Variants in PID1 observed in about 807,000 individuals in gnomAD.
PID1 encodes the protein phosphotyrosine interaction domain containing 1.
PID1 carries 10 observed loss-of-function variants against 19.1 expected under a neutral mutation model. That is an observed-to-expected ratio of 0.52 (90% CI 0.32 to 0.89). The LOEUF (loss-of-function observed/expected upper bound fraction) is 0.89. PID1 is among the 40% of genes least tolerant of loss of function. The pLI, the probability that PID1 is intolerant of heterozygous loss-of-function variation, is 0.03. For missense variants in PID1, 248 were observed against 285.3 expected (o/e 0.87, Z 0.94); for synonymous variants, 130 against 116.0 (o/e 1.12, Z -0.78).
chr2:229,102,317 A>G (rs1344051918), intron 2 of PID1, among the ~76,000 whole-genome samples: 1 of 145,280 alleles, frequency 6.9e-6, no homozygotes, highest in African/African-American at 2.5e-5. Flanking sequence ...CATCACAAAT[A>G]AAAAAAAAAA....
chr2:229,088,206 G>C (rs183207423), intron 2 of PID1, among the ~76,000 whole-genome samples: 2 of 152,154 alleles, frequency 1.3e-5, no homozygotes, highest in Non-Finnish European at 2.9e-5. Flanking sequence ...CCTTATGAAC[G>C]GACAGGCACC....
intron 1 of PID1, among the ~76,000 whole-genome samples, chr2:229,179,783 G>A: frequency 6.6e-6 from 1 of 152,328 alleles, no homozygotes; most frequent in African/African-American, 2.4e-5. Flanking sequence ...GCTGATTTAA[G>A]CAAAGGCAGC....
chr2:229,178,235 C>G (rs1422369343), intron 1 of PID1, among the ~76,000 whole-genome samples: 1 of 152,120 alleles, frequency 6.6e-6, no homozygotes, highest in Non-Finnish European at 1.5e-5. Flanking sequence ...TGCAATTTCC[C>G]CATCAGAGCT....
chr2:229,053,569 T>C (rs1172620480), intron 2 of PID1, among the ~76,000 whole-genome samples: 1 of 152,130 alleles, frequency 6.6e-6, no homozygotes, highest in Non-Finnish European at 1.5e-5. Flanking sequence ...TCAAGGAAGG[T>C]CTCCCCCAGC....
intron 2 of PID1, among the ~76,000 whole-genome samples, chr2:229,134,242 T>C (rs1220937844): frequency 6.8e-6 from 1 of 146,752 alleles, no homozygotes; most frequent in African/African-American, 2.5e-5. Flanking sequence ...TTTTTTTTTT[T>C]TTTTTTTTTT....
chr2:229,080,144 T>TTCCCA (rs1694641302), intron 2 of PID1, among the ~76,000 whole-genome samples: 1 of 152,170 alleles, frequency 6.6e-6, no homozygotes, highest in African/African-American at 2.4e-5. Flanking sequence ...TGGGTAAAAC[T>TTCCCA]TGTCTTCCAT....
intron 1 of PID1, 115 bp downstream of exon 1, chr2:229,270,899 G>A (rs561818104): frequency 1.7e-4 from 151 of 887,588 alleles, no homozygotes; most frequent in Non-Finnish European, 2.4e-4. Context: ...CCATCGATGC[G>A]TCTTACAAGA....
intron 2 of PID1, among the ~76,000 whole-genome samples, chr2:229,152,935 G>A (rs185527111): frequency 2.6e-5 from 4 of 152,236 alleles, no homozygotes; most frequent in African/African-American, 9.6e-5. Context: ...AAGGCGGAGG[G>A]TCCCGTGAGC....
chr2:229,162,285 C>T (rs936258084), intron 1 of PID1, among the ~76,000 whole-genome samples: 5 of 152,210 alleles, frequency 3.3e-5, no homozygotes, highest in African/African-American at 1.2e-4. Context: ...CCTATTCAGA[C>T]ATTAATCTCT....
At chr2:229,193,473 A>T (rs2106233585) in intron 1 of PID1, among the ~76,000 whole-genome samples, 1 of 152,298 alleles carries the variant, frequency 6.6e-6, no homozygotes, top group Middle Eastern at 3.4e-3. Context: ...GCCAACCCAA[A>T]TTCAAGAGGA....
Position 229,202,353 on chromosome 2 carries a change from G to T in PID1, c.31-46389C>A, listed in dbSNP as rs375503087. Reference sequence around the variant, plus strand: ...TTCACTCCTCTCATTGAGTCTTAAAGAATTTTTCTTGGAATTCAAGTCAAT... The same window carrying T: ...TTCACTCCTCTCATTGAGTCTTAAATAATTTTTCTTGGAATTCAAGTCAAT... On this transcript the variant is annotated intron_variant, in intron 1 of 2. Transcript: ENST00000392055. 1.5e-3 allele frequency among the ~76,000 whole-genome samples: 222 copies of T among 152,168 alleles called. 2 individuals carry two copies. Among genetic ancestry groups the T allele is most frequent in the African/African-American group, 4.9e-3 (204 of 41,536 alleles).
At chr2:229,143,138 T>C (rs1297416711) in intron 2 of PID1, among the ~76,000 whole-genome samples, 6 of 147,676 alleles carry the variant, frequency 4.1e-5, no homozygotes, top group Non-Finnish European at 5.9e-5. Flanking sequence ...TAGGTGGGAA[T>C]TGAACAATGA....
At chr2:229,152,597 C>T (rs1690280282) in intron 2 of PID1, among the ~76,000 whole-genome samples, 1 of 151,336 alleles carries the variant, frequency 6.6e-6, no homozygotes, top group Non-Finnish European at 1.5e-5. Context: ...ATACTCCAAA[C>T]AGCTCCAACA....
chr2:229,113,008 G>A lies in PID1; in HGVS notation c.177+42810C>T, dbSNP rs149934046. ...ATCTATCTCACAGAAATTCAGTAAC[G>A]TATGCTAATATCTAAATTCCCAGCA... On this transcript the variant is annotated intron_variant, in intron 2 of 2. Coordinates refer to ENST00000392055, the MANE Select transcript of PID1 (RefSeq NM_001100818.2). 8.5e-3 allele frequency among the ~76,000 whole-genome samples: 1,293 copies of A among 152,176 alleles called. 11 individuals are homozygous for A. Among genetic ancestry groups the A allele is most frequent in the Non-Finnish European group, 0.014 (944 of 68,022 alleles).
chr2:229,162,826 A>C (rs1287622581), intron 1 of PID1, among the ~76,000 whole-genome samples: 1 of 152,224 alleles, frequency 6.6e-6, no homozygotes, highest in Non-Finnish European at 1.5e-5. Flanking sequence ...TGAGAAAAGA[A>C]ACCATAGTGA....
intron 1 of PID1, among the ~76,000 whole-genome samples, chr2:229,191,801 A>G (rs2106231977): frequency 6.6e-6 from 1 of 152,320 alleles, no homozygotes; most frequent in South Asian, 2.1e-4. Flanking sequence ...CTCATGAGAG[A>G]TAGTGAGGAA....
In PID1 at chr2:229,266,908, C is replaced by T. The variant is rs1409211017; in HGVS notation, c.30+4106G>A. On this transcript the variant is annotated intron_variant, in intron 1 of 2. Coordinates refer to ENST00000392055, the MANE Select transcript of PID1 (RefSeq NM_001100818.2). ...CAGCCTGGAAAAGTATCAGATTTGC[C>T]GGTTTTCACCCTGCCTGATGGGCCA... Among the ~76,000 whole-genome samples the T allele has an allele frequency of 4.6e-5, 7 of 152,276 alleles. No homozygotes were observed. The East Asian group carries it at 7.7e-4, about 17-fold the overall frequency.
chr2:229,078,925 A>G (rs955142743), intron 2 of PID1, among the ~76,000 whole-genome samples: 2 of 152,192 alleles, frequency 1.3e-5, no homozygotes, highest in Non-Finnish European at 2.9e-5. Context: ...GAGTGAGGAA[A>G]ATGGAAAAGA....
At chr2:229,134,231 G>GTTTTTTTTTTTTTTTTTTTT (rs60513006) in intron 2 of PID1, among the ~76,000 whole-genome samples, 13 of 109,208 alleles carry the variant, frequency 1.2e-4, no homozygotes, top group South Asian at 3.9e-4. Context: ...TACTACCTGT[G>GTTTTTTTTTTTTTTTTTTTT]TTTTTTTTTT....
Sources: allele counts gnomAD v4.1 joint callset (sites outside exome capture counted in the v4.1 genomes callset), GRCh38; gene constraint gnomAD v4.1.1; transcripts MANE v1.5; gene names NCBI Gene and HGNC (gene_info 2026-07-23, HGNC 2026-07-21).